Variants in DPYSL2 observed in about 807,000 individuals in gnomAD.
The protein encoded by DPYSL2 is dihydropyrimidinase-related protein 2.
DPYSL2 carries 13 observed loss-of-function variants against 69.9 expected under a neutral mutation model. The ratio of observed to expected loss-of-function variants is 0.19; its 90% CI spans 0.12 to 0.30. DPYSL2 has a LOEUF of 0.30. DPYSL2 is among the 10% of genes least tolerant of loss of function. The pLI is 1.00. For synonymous variants in DPYSL2, 326 were observed against 359.1 expected, an observed-to-expected ratio of 0.91 and a Z score of 1.04; for missense variants, 587 against 918.9, an observed-to-expected ratio of 0.64 and a Z score of 4.67.
chr8:26,554,115 C>T (rs926841752), intron 1 of DPYSL2, among the ~76,000 whole-genome samples: 1 of 151,940 alleles, frequency 6.6e-6, no homozygotes, highest in African/African-American at 2.4e-5. Flanking sequence ...GTCTTGAACT[C>T]CTGACCTCGT....
In DPYSL2 at chr8:26,641,042, G is replaced by T. The variant is rs948818114; in HGVS notation, c.1127-2397G>T. 2.0e-5 allele frequency among the ~76,000 whole-genome samples: 3 copies of T among 152,192 alleles called. No homozygotes were observed. The highest frequency in any genetic ancestry group is 4.4e-5 in the Non-Finnish European group (3 of 68,030). ...ACCCCAAGCTGAGTTGTGTTTCGCA[G>T]GGAGAGATAAGCCTGTGGTCAGCAG... On this transcript the variant is annotated intron_variant, in intron 8 of 13. Coordinates refer to ENST00000521913, the MANE Select transcript of DPYSL2 (RefSeq NM_001197293.3). This position sits in a 1 kb window ranked among gnomAD's most constrained non-coding sequence, Gnocchi z 4.1.
intron 8 of DPYSL2, among the ~76,000 whole-genome samples, chr8:26,635,857 C>G (rs1224377097): frequency 6.6e-6 from 1 of 152,126 alleles, no homozygotes; most frequent in Admixed American, 6.5e-5. Context: ...CTTTCTTTCC[C>G]TGTTAGGAAG....
Position 26,626,757 on chromosome 8 carries a change from C to G in DPYSL2, c.855+79C>G. ...TGTGGCCGTTTGGGAAAGCAGTCTC[C>G]GATGTATGCATGTTTCCTAGCTTCC... On this transcript the variant is annotated intron_variant, in intron 5 of 13. Transcript: ENST00000521913. This position sits in a 1 kb window ranked among gnomAD's most constrained non-coding sequence, Gnocchi z 4.3. The G allele has an allele frequency of 2.8e-6, 4 of 1,423,268 alleles. No homozygotes were observed. Among genetic ancestry groups the G allele is most frequent in the Non-Finnish European group, 3.9e-6 (4 of 1,014,560 alleles). 88.2% of individuals were successfully genotyped at this position (1,423,268 alleles called of 1,614,324 possible).
At chr8:26,589,562 C>T (rs970886332) in intron 3 of DPYSL2, among the ~76,000 whole-genome samples, 3 of 152,170 alleles carry the variant, frequency 2.0e-5, no homozygotes, top group South Asian at 2.1e-4. Flanking sequence ...TTTAGGTATC[C>T]GACGTGGACT....
intron 3 of DPYSL2, among the ~76,000 whole-genome samples, chr8:26,622,398 A>G (rs2129897047): frequency 6.6e-6 from 1 of 152,144 alleles, no homozygotes; most frequent in African/African-American, 2.4e-5. Flanking sequence ...TAATACTTAC[A>G]AAAAAGTAAA....
At position 26,597,446 on chromosome 8, in the gene DPYSL2, A is replaced by G. The variant is rs930545429; in HGVS notation, c.628+13463A>G. ...TCAGCACCTCCCATGTCTGCTTGGG[A>G]AACACCACGGGCAGATGGCATTTTT... On this transcript the variant is annotated intron_variant, in intron 3 of 13. Transcript: ENST00000521913. This position sits in a 1 kb window ranked among gnomAD's most constrained non-coding sequence, Gnocchi z 5.2. 6.6e-6 allele frequency among the ~76,000 whole-genome samples: 1 copy of G among 152,020 alleles called. No homozygotes were observed. The highest frequency in any genetic ancestry group is 2.4e-5 in the African/African-American group (1 of 41,394).
chr8:26,586,505 C>T lies in DPYSL2; in HGVS notation c.628+2522C>T, dbSNP rs327237. ...GGTCTGCCTCTTCCCTCCACACGCT[C>T]GCCCCGTGCTTAGGCCCCCACTCTT... On this transcript the variant is annotated intron_variant, in intron 3 of 13. Coordinates refer to ENST00000521913, the MANE Select transcript of DPYSL2 (RefSeq NM_001197293.3). This position sits in a 1 kb window ranked among gnomAD's most constrained non-coding sequence, Gnocchi z 4.7. Among the ~76,000 whole-genome samples, 42,529 of 152,030 alleles carry T rather than the reference C, an allele frequency of 0.28. 6,138 individuals are homozygous for T. Among genetic ancestry groups the T allele is most frequent in the South Asian group, 0.38 (1,847 of 4,818 alleles).
chr8:26,520,062 G>C (rs1671424001), intron 1 of DPYSL2, among the ~76,000 whole-genome samples: 2 of 152,296 alleles, frequency 1.3e-5, no homozygotes, highest in Middle Eastern at 3.4e-3. Flanking sequence ...TGTTGGGGTG[G>C]TTTCCCCCAT....
intron 3 of DPYSL2, among the ~76,000 whole-genome samples, chr8:26,608,904 A>C (rs1050257165): frequency 2.0e-4 from 30 of 152,154 alleles, no homozygotes; most frequent in African/African-American, 6.3e-4. Flanking sequence ...GCTGGTCTTT[A>C]TTTGGAGGGG....
chr8:26,517,237 G>A lies in DPYSL2; in HGVS notation c.354+2558G>A, dbSNP rs748163230. Among the ~76,000 whole-genome samples, 1 of 152,196 alleles carries A rather than the reference G, an allele frequency of 6.6e-6. No homozygotes were observed. Among genetic ancestry groups the A allele is most frequent in the Non-Finnish European group, 1.5e-5 (1 of 68,034 alleles). On this transcript the variant is annotated intron_variant, in intron 1 of 13. Coordinates refer to ENST00000521913, the MANE Select transcript of DPYSL2 (RefSeq NM_001197293.3). This position sits in a 1 kb window ranked among gnomAD's most constrained non-coding sequence, Gnocchi z 4.2. Reference sequence around the variant, plus strand: ...CAAGGCTTTGGGAAGGGAGAGAATAGGCTTCCTTGACCCACATGCCACATG... The same window carrying A: ...CAAGGCTTTGGGAAGGGAGAGAATAAGCTTCCTTGACCCACATGCCACATG...
intron 1 of DPYSL2, among the ~76,000 whole-genome samples, chr8:26,531,012 T>C (rs185593216): frequency 5.6e-4 from 84 of 150,636 alleles, no homozygotes; most frequent in South Asian, 1.7e-3. Flanking sequence ...TGAGCCCTGA[T>C]TGTGTCACTG....
At chr8:26,535,930 G>C (rs1800585618) in intron 1 of DPYSL2, among the ~76,000 whole-genome samples, 1 of 147,304 alleles carries the variant, frequency 6.8e-6, no homozygotes, top group East Asian at 2.0e-4. Context: ...GTGTGTGTGT[G>C]TGTGTGTTTG....
chr8:26,608,904 AT>A (rs1190742983), intron 3 of DPYSL2, among the ~76,000 whole-genome samples: 1 of 152,154 alleles, frequency 6.6e-6, no homozygotes, highest in Non-Finnish European at 1.5e-5. Flanking sequence ...GCTGGTCTTT[AT>A]TTGGAGGGGA....
chr8:26,586,924 T>C lies in DPYSL2; in HGVS notation c.628+2941T>C, dbSNP rs1051565805. ...CAGAGGGGGCAGTGTATGGTTAGCA[T>C]TGTGACCCCCAAATGCCATTGCTTT... On this transcript the variant is annotated intron_variant, in intron 3 of 13. Transcript: ENST00000521913. The surrounding 1 kb of genome is among the most constrained non-coding windows in gnomAD (Gnocchi z 4.7). 6.6e-6 allele frequency among the ~76,000 whole-genome samples: 1 copy of C among 152,198 alleles called. No homozygotes were observed. The highest frequency in any genetic ancestry group is 1.9e-4 in the East Asian group (1 of 5,198).
rs1210393329 is a variant in DPYSL2 at position 26,586,569 on chromosome 8, C to G, written c.628+2586C>G. Among the ~76,000 whole-genome samples, 1 of 152,158 alleles carries G rather than the reference C, an allele frequency of 6.6e-6. No homozygotes were observed. The highest frequency in any genetic ancestry group is 1.5e-5 in the Non-Finnish European group (1 of 67,998). The stretch of plus-strand genomic sequence containing the variant: ...ACTCTTTCCTGCCTTCCCTTCCCCA[C>G]CACAGGAGCATCACCTTCTTGCCAC... On this transcript the variant is annotated intron_variant, in intron 3 of 13. Coordinates refer to ENST00000521913, the MANE Select transcript of DPYSL2 (RefSeq NM_001197293.3). This position sits in a 1 kb window ranked among gnomAD's most constrained non-coding sequence, Gnocchi z 4.7.
chr8:26,573,540 G>A (rs1801274253), intron 1 of DPYSL2, among the ~76,000 whole-genome samples: 2 of 151,934 alleles, frequency 1.3e-5, no homozygotes, highest in East Asian at 3.9e-4. Context: ...GTGGTGGTAG[G>A]CACCTGTAGT....
At chr8:26,515,512 C>A (rs1271673750) in intron 1 of DPYSL2, among the ~76,000 whole-genome samples, 3 of 152,144 alleles carry the variant, frequency 2.0e-5, no homozygotes, top group Non-Finnish European at 4.4e-5. Flanking sequence ...AGACTAAACC[C>A]CCTTTTATTG....
Position 26,627,185 on chromosome 8 carries a change from T to C in DPYSL2, c.856-30T>C. On this transcript the variant is annotated intron_variant, in intron 5 of 13. Coordinates refer to ENST00000521913, the MANE Select transcript of DPYSL2 (RefSeq NM_001197293.3). This position sits in a 1 kb window ranked among gnomAD's most constrained non-coding sequence, Gnocchi z 6.9. ...GTGAACAGGAAGATGGAAGTCCCTG[T>C]CTCTGATCCCACCCTTGTCTCTCTC... 6.2e-7 allele frequency: 1 copy of C among 1,605,948 alleles called. No homozygotes were observed. Among genetic ancestry groups the C allele is most frequent in the East Asian group, 2.2e-5 (1 of 44,834 alleles).
intron 7 of DPYSL2, among the ~76,000 whole-genome samples, chr8:26,631,499 G>C (rs1802772417): frequency 6.6e-6 from 1 of 152,190 alleles, no homozygotes; most frequent in Non-Finnish European, 1.5e-5. Context: ...ATTACAATTT[G>C]AGATGAGATT....
Sources: gnomAD v4.1 joint callset for allele counts (sites outside exome capture counted in the v4.1 genomes callset) on GRCh38, gnomAD v4.1.1 for gene constraint, Gnocchi (gnomAD v3.1) non-coding constraint, MANE v1.5 for transcripts, NCBI Gene and HGNC (gene_info 2026-07-23, HGNC 2026-07-21) for gene names.